Variants in ABCC10 observed in about 807,000 individuals in gnomAD.
ABCC10 encodes the protein ATP-binding cassette sub-family C member 10.
Under a neutral mutation model 143.2 loss-of-function variants are expected in ABCC10, and 110 were observed. The ratio of observed to expected loss-of-function variants is 0.77; its 90% confidence interval spans 0.66 to 0.90. ABCC10 has a LOEUF of 0.90. Among genes scored for constraint, ABCC10 ranks in the 40% least tolerant of loss-of-function variants. ABCC10 has a pLI of 0.00. For synonymous variants in ABCC10, 805 were observed against 846.7 expected (o/e 0.95, Z 0.85); for missense variants, 1,700 against 1,900.5 (o/e 0.89, Z 1.96).
intron 5 of ABCC10, 98 bp from the exon 6 acceptor site, chr6:43,436,040 C>A: frequency 6.2e-7 from 1 of 1,603,192 alleles, no homozygotes; most frequent in Non-Finnish European, 8.5e-7. Context: ...TAGCTTTGGG[C>A]AGGTAGATAT....
chr6:43,428,878 A>G (rs1041671309), intron 2 of ABCC10, among the ~76,000 whole-genome samples: 1 of 152,004 alleles, frequency 6.6e-6, no homozygotes, highest in African/African-American at 2.4e-5. Context: ...GACTGTGCCA[A>G]TTTTTAATAG....
At chr6:43,451,851 C>G (rs1783761958), downstream of ABCC10, 1 of 1,534,188 alleles carries the variant, frequency 6.5e-7, no homozygotes, top group Non-Finnish European at 8.8e-7. The surrounding 1 kb of genome is among the most constrained non-coding windows in gnomAD (Gnocchi z 4.4). Flanking sequence ...CTCTCAGTCC[C>G]CCACCCTCCC....
At chr6:43,438,567 G>T in intron 7 of ABCC10, 57 bp from the exon 8 acceptor site, 1 of 1,590,324 alleles carries the variant, frequency 6.3e-7, no homozygotes, top group East Asian at 2.2e-5. Flanking sequence ...CAAGGGCTGG[G>T]CATGGAGGGA....
intron 5 of ABCC10, 72 bp downstream of exon 5, chr6:43,435,979 T>A: frequency 1.2e-6 from 2 of 1,605,394 alleles, no homozygotes; most frequent in South Asian, 2.2e-5. Context: ...GTGCTGCGCA[T>A]AGATGTCACC....
chr6:43,447,180 C>G, intron 16 of ABCC10, 68 bp from the exon 17 acceptor site: 1 of 1,551,908 alleles, frequency 6.4e-7, no homozygotes, highest in Non-Finnish European at 8.7e-7. Context: ...CAGTCCACAG[C>G]CTGGGGAGTC....
Position 43,445,919 on chromosome 6 carries a change from C to G in ABCC10, c.3351C>G (p.Leu1117=). ...ATACCTTGGCTGGCCTCTCTGTGCT[C>G]CGGGCCACAGGGGCCACCTACAGGT... ...LADTLAGLSV[L]RATGATYRFE... Residue 1117 remains leucine (L), a synonymous_variant, in exon 15 of 22, where the codon CTC becomes CTG. Coordinates refer to ENST00000372530, the MANE Select transcript of ABCC10 (RefSeq NM_001198934.2). 1 of 1,612,772 alleles carries G rather than the reference C, an allele frequency of 6.2e-7. No homozygotes were observed.
At chr6:43,448,231 CCT>C (rs1195246832) in intron 18 of ABCC10, 27 of 513,902 alleles carry the variant, frequency 5.3e-5, no homozygotes, top group South Asian at 1.8e-4. Context: ...ATACTGATCC[CCT>C]GAGTCCTAGG....
Position 43,432,665 on chromosome 6 carries a change from C to A in ABCC10, c.685C>A (p.Leu229Met), listed in dbSNP as rs766299557. The change falls in exon 3 of 22, where the codon CTG becomes ATG. Residue 229 changes from leucine to methionine, a missense_variant. Leu to Met is a conservative substitution (Grantham distance 15, BLOSUM62 2). Transcript: ENST00000372530. The stretch of plus-strand genomic sequence containing the variant: ...GCTGTCACGCTTTTCCTATGCCTGG[C>A]TGGCACCCTTGCTGGCCCGTGGGGC... ...SWLSRFSYAW[L>M]APLLARGACG... 6.2e-7 allele frequency: 1 copy of A among 1,613,956 alleles called. No homozygotes were observed. The highest frequency in any genetic ancestry group is 1.1e-5 in the South Asian group (1 of 91,082).
intron 18 of ABCC10, 70 bp from the exon 19 acceptor site, chr6:43,448,811 G>C: frequency 6.5e-7 from 1 of 1,533,620 alleles, no homozygotes; most frequent in Non-Finnish European, 8.8e-7. Flanking sequence ...TAGCCCTGTA[G>C]TCAGAAACTG....
In ABCC10 at chr6:43,446,090, G is replaced by A. The variant is rs147764278; in HGVS notation, c.3374+148G>A. 5.8e-5 allele frequency: 68 copies of A among 1,178,644 alleles called. No individual in the cohort carries two copies. The African/African-American group carries it at 8.9e-4, about 15-fold the overall frequency. 73.0% of individuals were successfully genotyped at this position (1,178,644 alleles called of 1,614,324 possible). A position where few individuals can be genotyped will look rare whatever the true frequency, so the allele number is the denominator to read the frequency against. On this transcript the variant is annotated intron_variant, in intron 15 of 21. Transcript: ENST00000372530. The stretch of plus-strand genomic sequence containing the variant: ...AGGAAAGCAACAGAAGAAGGAGATA[G>A]GGAGGCAGAGTGGACCCCCACTTTG...
intron 20 of ABCC10, 65 bp from the exon 21 acceptor site, chr6:43,449,357 C>T (rs1291375156): frequency 2.0e-6 from 3 of 1,520,144 alleles, no homozygotes; most frequent in Middle Eastern, 3.5e-4. Context: ...GTTGCTTGGG[C>T]CAGGCCCAAC....
Position 43,442,979 on chromosome 6 carries a change from C to T in ABCC10, c.2236C>T (p.Leu746Phe). ...LARAVYQEKE[L>F]YLLDDPLAAV... Reference sequence around the variant, plus strand: ...CCTCACGTCTCCATAGGAAAAGGAGCTCTATCTCCTCGATGACCCTCTGGC... The same window carrying T: ...CCTCACGTCTCCATAGGAAAAGGAGTTCTATCTCCTCGATGACCCTCTGGC... Residue 746 changes from leucine (L) to phenylalanine (F), a missense_variant, in exon 10 of 22, where the codon CTC (leucine) becomes TTC (phenylalanine). Transcript: ENST00000372530. 2 of 1,590,540 alleles carry T rather than the reference C, an allele frequency of 1.3e-6. No homozygotes were observed. Among genetic ancestry groups the T allele is most frequent in the Non-Finnish European group, 1.7e-6 (2 of 1,168,674 alleles).
chr6:43,439,189 T>G lies in ABCC10; in HGVS notation c.2127+394T>G, dbSNP rs1019895473. On this transcript the variant is annotated intron_variant, in intron 8 of 21. Coordinates refer to ENST00000372530, the MANE Select transcript of ABCC10 (RefSeq NM_001198934.2). ...ACCTGCCAAGCTATTAGATTTCCCC[T>G]TGCCCCCAGTCCAGAGTACTATATT... Among the ~76,000 whole-genome samples, 9 of 152,084 alleles carry G rather than the reference T, an allele frequency of 5.9e-5. No individual in the cohort carries two copies. The East Asian group carries it at 1.7e-3, about 29-fold the overall frequency.
intron 2 of ABCC10, among the ~76,000 whole-genome samples, chr6:43,429,730 A>G (rs144674539): frequency 5.9e-4 from 90 of 152,246 alleles, no homozygotes; most frequent in South Asian, 1.5e-3. Context: ...AAATACAAAA[A>G]ATTGGCCGGG....
Position 43,444,330 on chromosome 6 carries a change from T to C in ABCC10, c.2666T>C (p.Leu889Pro). Residue 889 changes from leucine (L) to proline (P), a missense_variant, in exon 12 of 22, where the codon CTC (leucine) becomes CCC (proline). Coordinates refer to ENST00000372530, the MANE Select transcript of ABCC10 (RefSeq NM_001198934.2). Reference sequence around the variant, plus strand: ...GGCCAGGGCTTGGCCTTAGCCATCCTCTTCTCTCTGCTTCTCATGCAAGGT... The same window carrying C: ...GGCCAGGGCTTGGCCTTAGCCATCCCCTTCTCTCTGCTTCTCATGCAAGGT... ...AVGQGLALAILFSLLLMQATR... is the reference protein window; with the variant it reads ...AVGQGLALAIPFSLLLMQATR... 1 of 1,609,270 alleles carries C rather than the reference T, an allele frequency of 6.2e-7. No homozygotes were observed. Among genetic ancestry groups the C allele is most frequent in the South Asian group, 1.1e-5 (1 of 90,496 alleles).
intron 3 of ABCC10, among the ~76,000 whole-genome samples, chr6:43,433,773 G>A (rs1781386276): frequency 1.3e-5 from 2 of 152,180 alleles, no homozygotes; most frequent in Admixed American, 6.6e-5. Context: ...TCCTTATCTA[G>A]GGCACAGACC....
rs1408644530 is a variant in ABCC10, at chr6:43,449,925, A to G, written c.4317-4A>G. On this transcript the variant is annotated splice_polypyrimidine_tract_variant and splice_region_variant and intron_variant, in intron 21 of 21. Transcript: ENST00000372530. ...CCCTACACTGACCATCTTCCCCCTC[A>G]CAGGCTCAACACGATCCTGAACTCA... is the stretch of plus-strand genomic sequence containing the variant. 1.2e-6 allele frequency: 2 copies of G among 1,613,984 alleles called. No homozygotes were observed. The highest frequency in any genetic ancestry group is 1.1e-5 in the South Asian group (1 of 91,074).
chr6:43,441,790 C>T, intron 8 of ABCC10, 72 bp from the exon 9 acceptor site: 2 of 1,297,792 alleles, frequency 1.5e-6, no homozygotes, highest in Non-Finnish European at 1.1e-6. Flanking sequence ...CCACTATCTC[C>T]TGCAAAGGGA....
chr6:43,448,028 C>T (rs1016294196), intron 18 of ABCC10, 91 bp downstream of exon 18: 2 of 1,560,354 alleles, frequency 1.3e-6, no homozygotes. Context: ...TATATAAACT[C>T]ACAGCAGCCA....
Sources: gnomAD v4.1 joint callset for allele counts (sites outside exome capture counted in the v4.1 genomes callset) on GRCh38, gnomAD v4.1.1 for gene constraint, Gnocchi (gnomAD v3.1) non-coding constraint, MANE v1.5 for transcripts, NCBI Gene and HGNC (gene_info 2026-07-23, HGNC 2026-07-21) for gene names.